DZIP1L: variants seen among roughly 807,000 people sequenced by gnomAD.
The protein encoded by DZIP1L is DAZ interacting zinc finger protein 1 like.
A neutral mutation model predicts 88.7 loss-of-function variants in DZIP1L; 90 were observed. The observed-to-expected ratio is 1.02, with a 90% confidence interval of 0.86 to 1.21. The LOEUF (loss-of-function observed/expected upper bound fraction) is 1.21, where lower values mean the gene tolerates loss of function less well. Ranked by LOEUF, DZIP1L falls within the 50% of genes most tolerant of loss-of-function variation. The pLI is 0.00. For synonymous variants in DZIP1L, 363 were observed against 372.1 expected, an observed-to-expected ratio of 0.98 and a Z score of 0.28; for missense variants, 932 against 955.8, an observed-to-expected ratio of 0.98 and a Z score of 0.33.
chr3:138,084,877 A>C (rs1309401111), intron 7 of DZIP1L, among the ~76,000 whole-genome samples: 1 of 152,256 alleles, frequency 6.6e-6, no homozygotes, highest in Non-Finnish European at 1.5e-5. Flanking sequence ...CGTTTATTAA[A>C]TAGGAAATCC....
At chr3:138,092,838 C>G (rs761785044) in intron 4 of DZIP1L, among the ~76,000 whole-genome samples, 11 of 152,224 alleles carry the variant, frequency 7.2e-5, no homozygotes, top group Non-Finnish European at 1.3e-4. Context: ...GCAATTCAGT[C>G]CCATCTTCAG....
rs1230517935 is a variant in DZIP1L, at chr3:138,075,956, C to CA, written c.1422+1542dup. ...CATGGTGACAGAGCGAGATTCGTCT[C>CA]AAAAAAAAAGGCTGAAAGAGCACAA... On this transcript the variant is annotated intron_variant, in intron 11 of 15. Transcript: ENST00000327532. 1.9e-4 allele frequency among the ~76,000 whole-genome samples: 29 copies of CA among 150,358 alleles called. 1 individual carries two copies. Among genetic ancestry groups the CA allele is most frequent in the Admixed American group, 9.9e-4 (15 of 15,138 alleles).
At chr3:138,108,925 T>C (rs1248523406) in intron 1 of DZIP1L, among the ~76,000 whole-genome samples, 3 of 152,180 alleles carry the variant, frequency 2.0e-5, no homozygotes, top group Admixed American at 2.0e-4. Context: ...ACCTGGGAAT[T>C]TGTTAGAAAT....
chr3:138,074,068 C>T (rs1348608269), intron 11 of DZIP1L, among the ~76,000 whole-genome samples: 1 of 152,116 alleles, frequency 6.6e-6, no homozygotes, highest in Non-Finnish European at 1.5e-5. Context: ...CCATGTTAAA[C>T]ATCCAAACCT....
chr3:138,077,421 C>T (rs1054625109), intron 11 of DZIP1L, 78 bp downstream of exon 11: 3 of 1,573,942 alleles, frequency 1.9e-6, no homozygotes, highest in Non-Finnish European at 2.6e-6. Context: ...AAAGAACAAT[C>T]GATCATTTGT....
Position 138,097,415 on chromosome 3 carries a change from G to A in DZIP1L, c.586+348C>T, listed in dbSNP as rs114689206. 2.9e-3 allele frequency among the ~76,000 whole-genome samples: 444 copies of A among 152,260 alleles called. 3 individuals are homozygous for A. Among genetic ancestry groups the A allele is most frequent in the African/African-American group, 0.01 (431 of 41,560 alleles). On this transcript the variant is annotated intron_variant, in intron 3 of 15. Transcript: ENST00000327532. ...GGGAACTGCAGATTCGCAGAAGGCT[G>A]GAAGGTAAGAGCCCTTCAAAGTCAC... is the stretch of plus-strand genomic sequence containing the variant.
At chr3:138,094,350 A>C (rs1009612387) in intron 4 of DZIP1L, among the ~76,000 whole-genome samples, 5 of 152,214 alleles carry the variant, frequency 3.3e-5, no homozygotes, top group African/African-American at 1.2e-4. Context: ...GAAGCACACA[A>C]AACACACAAA....
At chr3:138,079,701 C>T (rs1001796570) in intron 10 of DZIP1L, among the ~76,000 whole-genome samples, 12 of 152,156 alleles carry the variant, frequency 7.9e-5, no homozygotes, top group African/African-American at 2.4e-4. Context: ...CACTGCATAC[C>T]CTTTTATACC....
At chr3:138,071,582 T>C in intron 12 of DZIP1L, 61 bp downstream of exon 12, 1 of 1,543,676 alleles carries the variant, frequency 6.5e-7, no homozygotes, top group Non-Finnish European at 8.7e-7. Flanking sequence ...TGCAAACAAG[T>C]TTTGGCAAGA....
rs1021301245 is a variant in DZIP1L, at chr3:138,062,635, G to A, written c.*181C>T. ...AGTCAGGCACCTGTGGCCATCTACAGCAGGGCCCCTCACAGGTCAGGAGGG... is the reference window on the plus strand; with the variant it reads ...AGTCAGGCACCTGTGGCCATCTACAACAGGGCCCCTCACAGGTCAGGAGGG... On this transcript the variant is annotated 3_prime_UTR_variant, in exon 16 of 16. Transcript: ENST00000327532. 1.1e-5 allele frequency: 7 copies of A among 664,360 alleles called. No homozygotes were observed. The Admixed American group carries it at 2.1e-4, about 20-fold the overall frequency. 41.2% of individuals were successfully genotyped at this position (664,360 alleles called of 1,614,324 possible).
In DZIP1L at chr3:138,111,925, G is replaced by C. The variant is rs543520292; in HGVS notation, c.-82+3403C>G. 1.4e-4 allele frequency among the ~76,000 whole-genome samples: 21 copies of C among 152,052 alleles called. No homozygotes were observed. The South Asian group carries it at 4.2e-3, about 30-fold the overall frequency. ...CAGGAGAACTGCTTGAACCCAGGAG[G>C]TGGAAGTTGCAGTCAGCCGTGAGCA... On this transcript the variant is annotated intron_variant, in intron 1 of 15. Transcript: ENST00000327532.
chr3:138,107,413 C>G (rs1173902129), intron 1 of DZIP1L, among the ~76,000 whole-genome samples: 2 of 152,188 alleles, frequency 1.3e-5, no homozygotes, highest in African/African-American at 4.8e-5. Context: ...CAGGAAGGCC[C>G]TTGCCCAATA....
At chr3:138,109,986 A>T (rs1269817264) in intron 1 of DZIP1L, among the ~76,000 whole-genome samples, 1 of 152,150 alleles carries the variant, frequency 6.6e-6, no homozygotes, top group Non-Finnish European at 1.5e-5. Flanking sequence ...CTTAAAACCT[A>T]GATGACGGGT....
chr3:138,095,233 G>T (rs1944415146), intron 3 of DZIP1L, among the ~76,000 whole-genome samples: 1 of 152,220 alleles, frequency 6.6e-6, no homozygotes, highest in African/African-American at 2.4e-5. Context: ...GCTTAGCATA[G>T]TGTCTGGCAC....
intron 1 of DZIP1L, among the ~76,000 whole-genome samples, chr3:138,104,394 C>G (rs964286489): frequency 1.3e-5 from 2 of 152,230 alleles, no homozygotes; most frequent in East Asian, 1.9e-4. Flanking sequence ...CCTCAGTGAG[C>G]CCCCTCTGCA....
intron 11 of DZIP1L, among the ~76,000 whole-genome samples, chr3:138,076,373 G>A (rs1370311558): frequency 6.6e-6 from 1 of 152,108 alleles, no homozygotes; most frequent in African/African-American, 2.4e-5. Context: ...AGAGCTAAAA[G>A]GAGATCTACC....
At chr3:138,090,703 A>C (rs2107803847) in intron 5 of DZIP1L, among the ~76,000 whole-genome samples, 1 of 152,268 alleles carries the variant, frequency 6.6e-6, no homozygotes, top group East Asian at 1.9e-4. Flanking sequence ...AAATTTGCCT[A>C]GGTGCTTCTT....
chr3:138,068,359 G>A lies in DZIP1L; in HGVS notation c.1624C>T (p.Gln542Ter). 1.3e-6 allele frequency: 2 copies of A among 1,502,986 alleles called. No individual in the cohort carries two copies. The highest frequency in any genetic ancestry group is 1.8e-6 in the Non-Finnish European group (2 of 1,120,128). The allele number at this position is 1,502,986 out of a possible 1,614,324, so 93.1% of individuals were successfully genotyped here. Residue 542 changes from glutamine to a stop codon, truncating the protein, a stop_gained, in exon 13 of 16, where the codon CAG becomes TAG. Coordinates refer to ENST00000327532, the MANE Select transcript of DZIP1L (RefSeq NM_173543.3). LOFTEE classifies it high-confidence loss of function. ...TCTCTGGTGACCAGTGTGCTCTGCT[G>A]GCTTTTGACTGGAAACACAGAAAGG... ...QPDGQPSVKS[Q>*]QSTLVTREAQ...
At chr3:138,073,651 C>T (rs1943275679) in intron 11 of DZIP1L, among the ~76,000 whole-genome samples, 1 of 152,142 alleles carries the variant, frequency 6.6e-6, no homozygotes, top group Non-Finnish European at 1.5e-5. Flanking sequence ...TATGACAAGA[C>T]AAGGTTCTTT....
Sources: allele counts gnomAD v4.1 joint callset (sites outside exome capture counted in the v4.1 genomes callset), GRCh38; gene constraint gnomAD v4.1.1; transcripts MANE v1.5; gene names NCBI Gene and HGNC (gene_info 2026-07-23, HGNC 2026-07-21).